DNAH17: variants seen among roughly 807,000 people sequenced by gnomAD.
DNAH17 encodes dynein axonemal heavy chain 17, also known as axonemal beta dynein heavy chain 17.
In DNAH17, 376 loss-of-function variants were observed where a neutral mutation model predicts 485.6. The ratio of observed to expected loss-of-function variants is 0.77; its 90% CI spans 0.71 to 0.84. The LOEUF is 0.84. DNAH17 is among the 40% of genes least tolerant of loss of function. The pLI, the probability that DNAH17 is intolerant of heterozygous loss-of-function variation, is 0.00. For synonymous variants in DNAH17, 3,031 were observed against 2,405.9 expected (o/e 1.26, Z -7.60); for missense variants, 6,370 against 5,839.3 (o/e 1.09, Z -2.96).
rs1393793059 is a variant in DNAH17 at position 78,485,914 on chromosome 17, C to T, written c.7275+46G>A. On this transcript the variant is annotated intron_variant, in intron 46 of 80. Transcript: ENST00000389840. The stretch of plus-strand genomic sequence containing the variant: ...CGTGTGGAGGGTACTGCACCGATTC[C>T]TGCCTCTAAATCACCAGTCGGTGGC... The T allele has an allele frequency of 3.1e-6, 5 of 1,599,776 alleles. No homozygotes were observed. The East Asian group carries it at 1.1e-4, about 36-fold the overall frequency.
chr17:78,479,097 C>T lies in DNAH17; in HGVS notation c.7920G>A (p.Thr2640=), dbSNP rs559335534. Residue 2640 remains threonine (T), a synonymous_variant, in exon 51 of 81, where the codon ACG becomes ACA. Transcript: ENST00000389840. ...TAATGGCCGTGGGAAGAAATGTTGC[C>T]GTGATTTTCTGATGCAAAGCTGTTA... The part of the protein sequence containing the change: ...AAALALHQKI[T]ATFLPTAIKF... The T allele has an allele frequency of 7.5e-5, 121 of 1,613,912 alleles. 1 individual carries two copies. The South Asian group carries it at 1.1e-3, about 15-fold the overall frequency.
chr17:78,463,774 C>G (rs116519012), intron 56 of DNAH17, among the ~76,000 whole-genome samples: 2,647 of 152,336 alleles, frequency 0.017, 94 homozygotes, highest in African/African-American at 0.06. Flanking sequence ...AACGCAGGCA[C>G]TGGGAGCTTT....
In DNAH17 at chr17:78,460,150, C is replaced by A; in HGVS notation, c.9435+12G>T. 6.3e-7 allele frequency: 1 copy of A among 1,597,028 alleles called. No homozygotes were observed. The highest frequency in any genetic ancestry group is 1.1e-5 in the South Asian group (1 of 88,962). ...CAGGCCAGGGGTCCCCTTTCTTTCCCTCCCCCTTTACCTTATTCAGAGTGT... is the reference window on the plus strand; with the variant it reads ...CAGGCCAGGGGTCCCCTTTCTTTCCATCCCCCTTTACCTTATTCAGAGTGT... On this transcript the variant is annotated intron_variant, in intron 59 of 80. Coordinates refer to ENST00000389840, the MANE Select transcript of DNAH17 (RefSeq NM_173628.4).
In DNAH17 at chr17:78,480,560, G is replaced by A. The variant is rs870963; in HGVS notation, c.7752+124C>T. On this transcript the variant is annotated intron_variant, in intron 49 of 80. Coordinates refer to ENST00000389840, the MANE Select transcript of DNAH17 (RefSeq NM_173628.4). ...TTTCTGACACATTCTGCAAAGTTAA[G>A]GAGTTCTCCAGAAAATGTCGGCCTG... 6 of 724,596 alleles carry A rather than the reference G, an allele frequency of 8.3e-6. No homozygotes were observed. The African/African-American group carries it at 9.3e-5, about 11-fold the overall frequency. 44.9% of individuals were successfully genotyped at this position (724,596 alleles called of 1,614,324 possible).
At chr17:78,473,010 C>G (rs1015598051) in intron 54 of DNAH17, among the ~76,000 whole-genome samples, 2 of 152,230 alleles carry the variant, frequency 1.3e-5, no homozygotes, top group Admixed American at 6.5e-5. Context: ...ACCCTCCACC[C>G]CTTTCCTGTG....
intron 16 of DNAH17, among the ~76,000 whole-genome samples, chr17:78,547,636 G>C (rs948573218): frequency 3.8e-4 from 35 of 91,612 alleles, no homozygotes; most frequent in Admixed American, 3.8e-3. Flanking sequence ...TTTTTTTTTT[G>C]AGATGGAGTC....
intron 34 of DNAH17, 37 bp from the exon 35 acceptor site, chr17:78,501,381 A>AT: frequency 6.4e-7 from 1 of 1,563,700 alleles, no homozygotes; most frequent in South Asian, 1.2e-5. Flanking sequence ...GCCAGGTGGA[A>AT]TACAAGAGCT....
chr17:78,531,481 G>A (rs1178535290), intron 20 of DNAH17, among the ~76,000 whole-genome samples: 1 of 151,940 alleles, frequency 6.6e-6, no homozygotes. Context: ...TGGAACTACA[G>A]GCGCCTGCCA....
At chr17:78,483,978 A>T (rs1316750405) in intron 48 of DNAH17, among the ~76,000 whole-genome samples, 2 of 150,464 alleles carry the variant, frequency 1.3e-5, no homozygotes, top group African/African-American at 4.9e-5. Flanking sequence ...CACCTGTATT[A>T]CCAGCTACTC....
At chr17:78,528,094 G>GA (rs930421367) in intron 22 of DNAH17, among the ~76,000 whole-genome samples, 20 of 149,848 alleles carry the variant, frequency 1.3e-4, no homozygotes, top group Middle Eastern at 3.5e-3. Flanking sequence ...ATATTTTAAA[G>GA]AAAAAAAAAA....
intron 17 of DNAH17, among the ~76,000 whole-genome samples, chr17:78,540,236 G>A (rs1293261119): frequency 6.8e-6 from 1 of 147,024 alleles, no homozygotes; most frequent in Non-Finnish European, 1.5e-5. Flanking sequence ...TGGTCTGCAT[G>A]CCCTTTTGAT....
At position 78,423,921 on chromosome 17, in the gene DNAH17, C is replaced by A. The variant is rs774289227; in HGVS notation, c.13374G>T (p.Leu4458=). ...AAKWILAAVA[L]LLQV Reference sequence around the variant, plus strand: ...CAGGAGCGAGCTAAACCTGTAGGAGCAGCGCCACGGCTGCCAGGATCCACT... The same window carrying A: ...CAGGAGCGAGCTAAACCTGTAGGAGAAGCGCCACGGCTGCCAGGATCCACT... The change falls in exon 81 of 81, where the codon CTG becomes CTT. Residue 4458 remains leucine, a synonymous_variant. Transcript: ENST00000389840. The A allele has an allele frequency of 6.2e-7, 1 of 1,613,962 alleles. No homozygotes were observed. Among genetic ancestry groups the A allele is most frequent in the South Asian group, 1.1e-5 (1 of 91,072 alleles).
intron 25 of DNAH17, 127 bp downstream of exon 25, chr17:78,524,882 C>G: frequency 7.3e-7 from 1 of 1,365,204 alleles, no homozygotes; most frequent in Non-Finnish European, 9.8e-7. Flanking sequence ...GATGCCTCCA[C>G]CCAACACCAG....
At chr17:78,504,397 G>C (rs576477364) in intron 31 of DNAH17, among the ~76,000 whole-genome samples, 1 of 152,172 alleles carries the variant, frequency 6.6e-6, no homozygotes, top group East Asian at 1.9e-4. Context: ...ACACAGTGCA[G>C]GCAGGCCTCG....
chr17:78,534,884 A>G (rs546090430), intron 19 of DNAH17, among the ~76,000 whole-genome samples: 1 of 152,188 alleles, frequency 6.6e-6, no homozygotes, highest in South Asian at 2.1e-4. Context: ...CCACCCTGGT[A>G]CCCATGGGAA....
intron 48 of DNAH17, 104 bp downstream of exon 48, chr17:78,484,764 C>G (rs914910325): frequency 1.2e-6 from 1 of 846,668 alleles, no homozygotes; most frequent in Non-Finnish European, 1.6e-6. Flanking sequence ...CCACACCAGT[C>G]CTGCCCTACT....
At chr17:78,460,326 ATGTGTGTG>A in intron 58 of DNAH17, 69 bp from the exon 59 acceptor site, 9 of 775,582 alleles carry the variant, frequency 1.2e-5, no homozygotes, top group Middle Eastern at 2.7e-4. Context: ...GTGTACGTGC[ATGTGTGTG>A]CATGTGTGTG....
At chr17:78,424,569 T>TA (rs2086330793) in intron 80 of DNAH17, 1 of 160,792 alleles carries the variant, frequency 6.2e-6, no homozygotes. Context: ...ATATTGCCTT[T>TA]AACCAGACTG....
At chr17:78,566,754 C>A in intron 10 of DNAH17, 24 bp from the exon 11 acceptor site, 1 of 1,555,810 alleles carries the variant, frequency 6.4e-7, no homozygotes, top group South Asian at 1.2e-5. Flanking sequence ...GAAATGTCAA[C>A]CTTGTAATCA....
Sources: gnomAD v4.1 joint callset for allele counts (sites outside exome capture counted in the v4.1 genomes callset) on GRCh38, gnomAD v4.1.1 for gene constraint, MANE v1.5 for transcripts, NCBI Gene and HGNC (gene_info 2026-07-23, HGNC 2026-07-21) for gene names.